Variants in CNTN4 observed in about 807,000 individuals in gnomAD.
CNTN4 encodes contactin 4.
Under a neutral mutation model 122.5 loss-of-function variants are expected in CNTN4, and 77 were observed. That is an observed-to-expected ratio of 0.63 (90% confidence interval 0.52 to 0.76). The LOEUF (loss-of-function observed/expected upper bound fraction) is 0.76. Ranked by LOEUF, CNTN4 falls within the 30% of genes least tolerant of loss-of-function variation. The pLI, the probability that CNTN4 is intolerant of heterozygous loss-of-function variation, is 0.00. For missense variants in CNTN4, 1,256 were observed against 1,259.1 expected, an observed-to-expected ratio of 1.00 and a Z score of 0.04; for synonymous variants, 512 against 447.0, an observed-to-expected ratio of 1.15 and a Z score of -1.83.
Position 2,902,894 on chromosome 3 carries a change from C to A in CNTN4, c.1096C>A (p.Gln366Lys), listed in dbSNP as rs763753167. The A allele has an allele frequency of 3.1e-6, 5 of 1,613,392 alleles. No individual in the cohort carries two copies. In the East Asian group the frequency reaches 1.1e-4, roughly 36 times the overall value. The change falls in exon 12 of 25, where the codon CAA becomes AAA. Residue 366 changes from glutamine to lysine, a missense_variant. Transcript: ENST00000418658. ...LLTRDRIQIE[Q>K]GTLNITIVNL... ...TTCACAGGATAGAATTCAAATTGAG[C>A]AAGGAACACTCAACATAACAATAGT...
chr3:2,866,596 G>T, intron 7 of CNTN4, 156 bp from the exon 8 acceptor site: 1 of 1,122,788 alleles, frequency 8.9e-7, no homozygotes, highest in Non-Finnish European at 1.3e-6. Flanking sequence ...AAAATGCCAC[G>T]GGGGACTGTG....
At chr3:2,580,252 G>A (rs1462172130) in intron 4 of CNTN4, among the ~76,000 whole-genome samples, 1 of 152,064 alleles carries the variant, frequency 6.6e-6, no homozygotes, top group African/African-American at 2.4e-5. Flanking sequence ...AGAACATTTA[G>A]GGTCTGTCTC....
chr3:2,355,012 C>T (rs922820774), intron 3 of CNTN4, among the ~76,000 whole-genome samples: 5 of 152,088 alleles, frequency 3.3e-5, no homozygotes, highest in African/African-American at 4.8e-5. Context: ...GTGGATAAGC[C>T]CTGTTGTGTC....
At chr3:2,733,604 G>C (rs765936074) in intron 4 of CNTN4, among the ~76,000 whole-genome samples, 1 of 146,440 alleles carries the variant, frequency 6.8e-6, no homozygotes, top group Admixed American at 6.8e-5. Flanking sequence ...TGTGATCTCG[G>C]TTCACTGGAG....
At chr3:3,042,235 C>A in intron 20 of CNTN4, 75 bp from the exon 21 acceptor site, 1 of 1,057,248 alleles carries the variant, frequency 9.5e-7, no homozygotes, top group Non-Finnish European at 1.5e-6. Context: ...ATTATTTTAC[C>A]TTATAATGCT....
chr3:2,203,385 T>A (rs966459655), intron 2 of CNTN4, among the ~76,000 whole-genome samples: 8 of 152,156 alleles, frequency 5.3e-5, no homozygotes, highest in Non-Finnish European at 1.2e-4. Flanking sequence ...TACTATGATG[T>A]TGTTATGATA....
At chr3:2,816,888 A>T (rs6414447) in intron 6 of CNTN4, among the ~76,000 whole-genome samples, 42,698 of 149,848 alleles carry the variant, frequency 0.28, 6,394 homozygotes, top group African/African-American at 0.35. Context: ...CAATAACTGA[A>T]GGAAAAAAAT....
In CNTN4 at chr3:2,373,985, G is replaced by A. The variant is rs528805459; in HGVS notation, c.-89+34752G>A. ...GGGGTTCCTGATCTCTGACTTAAAT[G>A]ACATTTTAATCAATAATAATGATTT... On this transcript the variant is annotated intron_variant, in intron 3 of 24. Coordinates refer to ENST00000418658, the MANE Select transcript of CNTN4 (RefSeq NM_175607.3). Among the ~76,000 whole-genome samples, 21 of 152,256 alleles carry A rather than the reference G, an allele frequency of 1.4e-4. 1 individual carries two copies. In the South Asian group the frequency reaches 2.5e-3, roughly 18 times the overall value.
intron 4 of CNTN4, among the ~76,000 whole-genome samples, chr3:2,653,698 G>A (rs2083460883): frequency 6.6e-6 from 1 of 152,124 alleles, no homozygotes; most frequent in African/African-American, 2.4e-5. Context: ...CTATCTGTGT[G>A]AGGGTTTGGA....
intron 10 of CNTN4, 78 bp downstream of exon 10, chr3:2,887,302 C>A (rs879071577): frequency 7.3e-7 from 1 of 1,373,326 alleles, no homozygotes; most frequent in Non-Finnish European, 1.0e-6. Flanking sequence ...GAGAGGCATT[C>A]AGGCATTTTG....
rs187898671 is a variant in CNTN4, at chr3:2,913,802, G to A, written c.1207+10797G>A. Among the ~76,000 whole-genome samples the A allele has an allele frequency of 1.6e-3, 243 of 152,310 alleles. 1 individual carries two copies. Among genetic ancestry groups the A allele is most frequent in the African/African-American group, 4.9e-3 (203 of 41,566 alleles). On this transcript the variant is annotated intron_variant, in intron 12 of 24. Transcript: ENST00000418658. ...AGGATGTGAACAACCCTGTAGGCCA[G>A]TTGGACCTAACAAGCATATAAAGAA...
intron 4 of CNTN4, among the ~76,000 whole-genome samples, chr3:2,620,780 GC>G (rs1022927923): frequency 6.6e-6 from 1 of 152,036 alleles, no homozygotes; most frequent in Non-Finnish European, 1.5e-5. Context: ...ACTCTATACA[GC>G]CCCCCTCCTG....
chr3:2,792,457 G>A (rs2092041153), intron 6 of CNTN4, among the ~76,000 whole-genome samples: 1 of 152,204 alleles, frequency 6.6e-6, no homozygotes, highest in African/African-American at 2.4e-5. Flanking sequence ...TGAGTGAGAT[G>A]TTTTTAAAGT....
chr3:2,135,795 TAAGTATGG>T (rs2034664993), intron 2 of CNTN4, among the ~76,000 whole-genome samples: 1 of 152,196 alleles, frequency 6.6e-6, no homozygotes, highest in Non-Finnish European at 1.5e-5. Flanking sequence ...GGGGTTACCA[TAAGTATGG>T]AAAATGGTTC....
At chr3:2,407,059 A>C (rs2047063690) in intron 3 of CNTN4, among the ~76,000 whole-genome samples, 1 of 152,202 alleles carries the variant, frequency 6.6e-6, no homozygotes, top group Non-Finnish European at 1.5e-5. Flanking sequence ...TAAGCATGCA[A>C]GATATCTTTC....
chr3:2,881,743 A>C (rs1253795466), intron 8 of CNTN4, among the ~76,000 whole-genome samples: 83 of 117,428 alleles, frequency 7.1e-4, no homozygotes, highest in Middle Eastern at 4.2e-3. Flanking sequence ...CCATCCAGTG[A>C]GTGAAATCAT....
intron 3 of CNTN4, among the ~76,000 whole-genome samples, chr3:2,350,675 T>C (rs1265884909): frequency 6.6e-6 from 1 of 152,208 alleles, no homozygotes; most frequent in African/African-American, 2.4e-5. Flanking sequence ...TCATTAAGTT[T>C]TTGTTCATGA....
chr3:2,715,664 C>T (rs553802661), intron 4 of CNTN4, among the ~76,000 whole-genome samples: 1 of 152,194 alleles, frequency 6.6e-6, no homozygotes, highest in African/African-American at 2.4e-5. Context: ...CTGAGGAATA[C>T]AAGATCAAGG....
intron 4 of CNTN4, among the ~76,000 whole-genome samples, chr3:2,694,482 C>G (rs1212679941): frequency 6.6e-6 from 1 of 152,108 alleles, no homozygotes; most frequent in African/African-American, 2.4e-5. Flanking sequence ...GTGGCTCGCA[C>G]CTGTAATTTC....
Sources: allele counts gnomAD v4.1 joint callset (sites outside exome capture counted in the v4.1 genomes callset), GRCh38; gene constraint gnomAD v4.1.1; transcripts MANE v1.5; gene names NCBI Gene and HGNC (gene_info 2026-07-23, HGNC 2026-07-21).